FGF13: variants seen among roughly 807,000 people sequenced by gnomAD.
FGF13 encodes fibroblast growth factor homologous factor 2.
In FGF13, 2 loss-of-function variants were observed where a neutral mutation model predicts 19.5. That is an observed-to-expected ratio of 0.10 (90% CI 0.04 to 0.32). The LOEUF (loss-of-function observed/expected upper bound fraction) is 0.32. Ranked by LOEUF, FGF13 falls within the 10% of genes least tolerant of loss-of-function variation. FGF13 has a pLI of 1.00. For synonymous variants in FGF13, 72 were observed against 76.9 expected (o/e 0.94, Z 0.33); for missense variants, 113 against 192.7 (o/e 0.59, Z 2.45).
intron 1 of FGF13, among the ~76,000 whole-genome samples, chrX:139,061,193 C>G (rs766073234): frequency 8.9e-6 from 1 of 111,735 alleles, no homozygotes; most frequent in African/African-American, 3.3e-5. Context: ...TAAATCTTCA[C>G]CAATATTCCT....
chrX:138,703,853 T>A (rs975333782), intron 2 of FGF13, among the ~76,000 whole-genome samples: 4 of 111,720 alleles, frequency 3.6e-5, no homozygotes, highest in Admixed American at 9.5e-5. Flanking sequence ...TGGCTGGGAT[T>A]ACAAGCATGT....
chrX:139,131,762 C>T (rs181097304), intron 1 of FGF13, among the ~76,000 whole-genome samples: 1 of 111,347 alleles, frequency 9.0e-6, no homozygotes, highest in Non-Finnish European at 1.9e-5. Context: ...AAAAGATCAA[C>T]GTTGCTCTAG....
Position 138,847,116 on chromosome X carries a change from G to GC in FGF13, c.217+10395dup, listed in dbSNP as rs762896778. On this transcript the variant is annotated intron_variant, in intron 3 of 6. Transcript: ENST00000436198. ...TTTAGATAACAAATGCACTTATGGA[G>GC]CAAGAGGGGGGAAACTGAGCATATG... 1.3e-4 allele frequency among the ~76,000 whole-genome samples: 14 copies of GC among 111,786 alleles called. No homozygotes were observed. The South Asian group carries it at 5.3e-3, about 42-fold the overall frequency.
chrX:138,853,660 A>T (rs1025528864), downstream of FGF13, among the ~76,000 whole-genome samples: 4 of 109,543 alleles, frequency 3.7e-5, no homozygotes, highest in African/African-American at 1.3e-4. Flanking sequence ...TAATCACATG[A>T]AAACAGGACT....
At chrX:139,189,017 G>A (rs1265318065) in intron 1 of FGF13, among the ~76,000 whole-genome samples, 1 of 110,008 alleles carries the variant, frequency 9.1e-6, no homozygotes, top group African/African-American at 3.3e-5. Flanking sequence ...GGGCAAAAAT[G>A]CAAGGATGAA....
intron 3 of FGF13, among the ~76,000 whole-genome samples, chrX:138,767,779 G>C (rs1178250927): frequency 8.9e-6 from 1 of 112,142 alleles, no homozygotes; most frequent in Admixed American, 9.5e-5. Context: ...CTTGGTCAGG[G>C]CATTTAAACT....
intron 1 of FGF13, among the ~76,000 whole-genome samples, chrX:138,927,825 G>C (rs2091682122): frequency 1.8e-5 from 2 of 111,092 alleles, no homozygotes; most frequent in Admixed American, 1.9e-4. Context: ...ATAGACTGGG[G>C]GTCTATATAA....
rs770980622 is a variant in FGF13, at chrX:138,777,585, G to C, written c.218-68657C>G. ...CACGACAAGTGGCCTACCAAGGAAG[G>C]TTCTTTATTTCTGTGGGCCTGGGAA... is the stretch of plus-strand genomic sequence containing the variant. On this transcript the variant is annotated intron_variant, in intron 3 of 6. Transcript: ENST00000436198. Among the ~76,000 whole-genome samples, 7 of 112,024 alleles carry C rather than the reference G, an allele frequency of 6.2e-5. No individual in the cohort carries two copies. In the South Asian group the frequency reaches 2.6e-3, roughly 42 times the overall value.
Position 138,615,677 on chromosome X carries a change from T to A in FGF13, c.*17173A>T, listed in dbSNP as rs2088961886. On this transcript the variant is annotated 3_prime_UTR_variant, in exon 5 of 5. Coordinates refer to ENST00000315930, the MANE Select transcript of FGF13 (RefSeq NM_004114.5). ...ATTGGCTTGTTTACTTGCATTTGTA[T>A]GTTTGTTTTTAAATTTTTACCCTGT... is the stretch of plus-strand genomic sequence containing the variant. 8.9e-6 allele frequency: 1 copy of A among 111,919 alleles called. No homozygotes were observed. Among genetic ancestry groups the A allele is most frequent in the African/African-American group, 3.2e-5 (1 of 30,780 alleles). The allele number at this position is 111,919 out of a possible 1,213,427, so 9.2% of individuals were successfully genotyped here. A position where few individuals can be genotyped will look rare whatever the true frequency, so the allele number is the denominator to read the frequency against.
At chrX:139,170,586 T>A (rs924609437) in intron 1 of FGF13, among the ~76,000 whole-genome samples, 10 of 111,774 alleles carry the variant, frequency 8.9e-5, no homozygotes, top group Admixed American at 6.7e-4. Flanking sequence ...CCTGGGGAAT[T>A]CATATCCATC....
intron 1 of FGF13, among the ~76,000 whole-genome samples, chrX:139,152,586 C>T (rs1399640557): frequency 5.4e-5 from 6 of 110,424 alleles, no homozygotes; most frequent in African/African-American, 2.0e-4. Flanking sequence ...AATAAAGCTC[C>T]GTTAAATATC....
intron 1 of FGF13, among the ~76,000 whole-genome samples, chrX:139,156,514 G>A (rs1416179310): frequency 8.9e-6 from 1 of 112,543 alleles, no homozygotes; most frequent in Non-Finnish European, 1.9e-5. Context: ...TAAGCAAGGA[G>A]TCTTATTGGT....
chrX:138,991,339 T>A (rs1205233205), intron 1 of FGF13, among the ~76,000 whole-genome samples: 1 of 112,308 alleles, frequency 8.9e-6, no homozygotes, highest in African/African-American at 3.2e-5. Context: ...ATTGCTCTCA[T>A]ATATTGCATG....
At chrX:139,061,072 T>C (rs1338025007) in intron 1 of FGF13, among the ~76,000 whole-genome samples, 1 of 111,963 alleles carries the variant, frequency 8.9e-6, no homozygotes, top group African/African-American at 3.2e-5. Flanking sequence ...ACAAACTTTG[T>C]ATCACATTAA....
chrX:138,957,782 G>C (rs183500366), intron 1 of FGF13, among the ~76,000 whole-genome samples: 72 of 111,623 alleles, frequency 6.5e-4, no homozygotes, highest in Middle Eastern at 4.6e-3. Flanking sequence ...TGAAGCAATT[G>C]TGAATAGGAG....
At chrX:138,694,514 A>C (rs1301505703) in intron 3 of FGF13, among the ~76,000 whole-genome samples, 1 of 98,703 alleles carries the variant, frequency 1.0e-5, no homozygotes, top group South Asian at 4.9e-4. Flanking sequence ...GCAGTGGCGC[A>C]ATCTTGGCTC....
rs1419514201 is a variant in FGF13, at chrX:138,694,210, A to G, written c.402+8774T>C. 2.7e-5 allele frequency among the ~76,000 whole-genome samples: 3 copies of G among 111,277 alleles called. No homozygotes were observed. In the East Asian group the frequency reaches 8.5e-4, roughly 32 times the overall value. On this transcript the variant is annotated intron_variant, in intron 3 of 4. Coordinates refer to ENST00000315930, the MANE Select transcript of FGF13 (RefSeq NM_004114.5). ...AAGTGTAACCCTGCATTTGACAGGT[A>G]AACATACTGAACATCTGAGGCATCT...
At chrX:138,726,116 G>T (rs778134693) in intron 1 of FGF13, among the ~76,000 whole-genome samples, 1 of 110,818 alleles carries the variant, frequency 9.0e-6, no homozygotes, top group East Asian at 2.9e-4. Context: ...GACCTCCAAG[G>T]CCTATGGACA....
Position 139,017,175 on chromosome X carries a change from G to C in FGF13, c.-112-152525C>G, listed in dbSNP as rs142508442. Among the ~76,000 whole-genome samples, 905 of 108,583 alleles carry C rather than the reference G, an allele frequency of 8.3e-3. 8 individuals carry two copies. Among genetic ancestry groups the C allele is most frequent in the African/African-American group, 0.029 (865 of 29,795 alleles). 94.3% of individuals were successfully genotyped at this position (108,583 alleles called of 115,157 possible). A position where few individuals can be genotyped will look rare whatever the true frequency, so the allele number is the denominator to read the frequency against. ...GGCCAGGATGGTTTGTGTGGAGATG[G>C]GGGGATCAAACTTCTTACAAAATTT... is the stretch of plus-strand genomic sequence containing the variant. On this transcript the variant is annotated intron_variant, in intron 1 of 2. Transcript: ENST00000421460.
Sources: allele counts gnomAD v4.1 joint callset (sites outside exome capture counted in the v4.1 genomes callset), GRCh38; gene constraint gnomAD v4.1.1; transcripts MANE v1.5; gene names NCBI Gene and HGNC (gene_info 2026-07-23, HGNC 2026-07-21).